NDUFA9: variants seen among roughly 807,000 people sequenced by gnomAD.
NDUFA9 encodes the protein NADH:ubiquinone oxidoreductase subunit A9.
Under a neutral mutation model 45.9 loss-of-function variants are expected in NDUFA9, and 23 were observed. The ratio of observed to expected loss-of-function variants is 0.50; its 90% CI spans 0.36 to 0.71. The LOEUF (loss-of-function observed/expected upper bound fraction) is 0.71, where lower values mean the gene tolerates loss of function less well. Among genes scored for constraint, NDUFA9 ranks in the 30% least tolerant of loss-of-function variants. The pLI, the probability that NDUFA9 is intolerant of heterozygous loss-of-function variation, is 0.00. For missense variants in NDUFA9, 466 were observed against 488.2 expected (o/e 0.95, Z 0.43); for synonymous variants, 176 against 170.5 (o/e 1.03, Z -0.25).
rs1046574127 is a variant in NDUFA9 at position 4,660,873 on chromosome 12, C to T, written c.553-1660C>T. Among the ~76,000 whole-genome samples the T allele has an allele frequency of 2.0e-5, 3 of 151,774 alleles. 1 individual carries two copies. Among genetic ancestry groups the T allele is most frequent in the Non-Finnish European group, 2.9e-5 (2 of 67,960 alleles). On this transcript the variant is annotated intron_variant, in intron 5 of 10. Transcript: ENST00000266544. ...TGGAGCAGAATCCAGAATGCGGGTG[C>T]GTGAAGAGTGAGTTGGAACTGAGGA...
At chr12:4,669,518 A>G (rs1259915983) in intron 7 of NDUFA9, among the ~76,000 whole-genome samples, 1 of 152,222 alleles carries the variant, frequency 6.6e-6, no homozygotes, top group Non-Finnish European at 1.5e-5. Flanking sequence ...AGCGGTGATT[A>G]TTTGAGCTCT....
intron 6 of NDUFA9, among the ~76,000 whole-genome samples, chr12:4,668,049 C>T (rs1443057299): frequency 1.3e-5 from 2 of 152,024 alleles, no homozygotes; most frequent in East Asian, 1.9e-4. Context: ...TCTGTTGATA[C>T]AGCAGCAGAA....
chr12:4,676,488 C>T (rs1264887377), intron 8 of NDUFA9, among the ~76,000 whole-genome samples: 1 of 152,184 alleles, frequency 6.6e-6, no homozygotes, highest in Non-Finnish European at 1.5e-5. Flanking sequence ...CATTCCCATA[C>T]ACCAATAACA....
Position 4,686,988 on chromosome 12 carries a change from T to C in NDUFA9, c.1014T>C (p.Leu338=). The C allele has an allele frequency of 6.2e-7, 1 of 1,614,182 alleles. No individual in the cohort carries two copies. Among genetic ancestry groups the C allele is most frequent in the South Asian group, 1.1e-5 (1 of 91,074 alleles). The part of the protein sequence containing the change: ...KLPHLPGLED[L]GIQATPLELK... ...CTCACCTGCCTGGCTTAGAAGACCT[T>C]GGTATTCAGGCAACACCACTGGAAC... is the stretch of plus-strand genomic sequence containing the variant. The change falls in exon 11 of 11, where the codon CTT becomes CTC. Residue 338 remains leucine (L), a synonymous_variant. Transcript: ENST00000266544.
Position 4,649,179 on chromosome 12 carries a change from A to C in NDUFA9, c.49+4A>C. 1 of 1,603,444 alleles carries C rather than the reference A, an allele frequency of 6.2e-7. No individual in the cohort carries two copies. Among genetic ancestry groups the C allele is most frequent in the Non-Finnish European group, 8.5e-7 (1 of 1,175,054 alleles). On this transcript the variant is annotated splice_donor_region_variant and intron_variant, in intron 1 of 10. Coordinates refer to ENST00000266544, the MANE Select transcript of NDUFA9 (RefSeq NM_005002.5). ...GTCCGGGTCCTGTCAATGTCACGTA[A>C]GTGTTACCGGGAACGGCGGCCCCTG...
intron 8 of NDUFA9, among the ~76,000 whole-genome samples, chr12:4,678,062 A>G (rs776470371): frequency 6.6e-4 from 101 of 152,262 alleles, no homozygotes; most frequent in Non-Finnish European, 9.6e-4. Flanking sequence ...CAAACACCAT[A>G]TGTTCTCACT....
chr12:4,671,642 C>T (rs1945887793), intron 8 of NDUFA9, among the ~76,000 whole-genome samples: 1 of 152,034 alleles, frequency 6.6e-6, no homozygotes, highest in South Asian at 2.1e-4. Context: ...ATAGACAAAA[C>T]CATTAAGTTT....
intron 5 of NDUFA9, among the ~76,000 whole-genome samples, chr12:4,660,390 G>A (rs970792794): frequency 6.6e-6 from 1 of 152,176 alleles, no homozygotes; most frequent in Admixed American, 6.5e-5. Flanking sequence ...CACGTTTCAG[G>A]TGCATTTCAG....
chr12:4,662,683 A>G (rs2137468672), intron 6 of NDUFA9, 48 bp downstream of exon 6: 1 of 1,428,754 alleles, frequency 7.0e-7, no homozygotes, highest in Non-Finnish European at 9.9e-7. Context: ...TGATTAACCA[A>G]GTTGAAGCTG....
Position 4,688,992 on chromosome 12 carries a change from A to G in NDUFA9, c.*1884A>G, listed in dbSNP as rs1230745390. ...GATTCTTAAAAAAAAACTTATTGAT[A>G]CATAATAGATGTAAATATTGTCAGG... is the stretch of plus-strand genomic sequence containing the variant. On this transcript the variant is annotated 3_prime_UTR_variant, in exon 11 of 11. Coordinates refer to ENST00000266544, the MANE Select transcript of NDUFA9 (RefSeq NM_005002.5). 1 of 152,244 alleles carries G rather than the reference A, an allele frequency of 6.6e-6. No individual in the cohort carries two copies. 9.4% of individuals were successfully genotyped at this position (152,244 alleles called of 1,614,324 possible). A position where few individuals can be genotyped will look rare whatever the true frequency, so the allele number is the denominator to read the frequency against.
rs10735038 is a variant in NDUFA9 at position 4,692,947 on chromosome 12, A to G, written c.*5839A>G. 140,817 of 152,258 alleles carry G rather than the reference A, an allele frequency of 0.92. 65,246 individuals are homozygous for G. Among genetic ancestry groups the G allele is most frequent in the Middle Eastern group, 0.98 (289 of 294 alleles). 9.4% of individuals were successfully genotyped at this position (152,258 alleles called of 1,614,324 possible). A position where few individuals can be genotyped will look rare whatever the true frequency, so the allele number is the denominator to read the frequency against. ...ACATCTGCTTGGCATGAGCCACCAC[A>G]CCCGGCCAGAATTTTATTTTTAGTG... On this transcript the variant is annotated 3_prime_UTR_variant, in exon 11 of 11. Transcript: ENST00000266544.
intron 8 of NDUFA9, among the ~76,000 whole-genome samples, chr12:4,676,399 C>G (rs963712752): frequency 3.9e-5 from 6 of 152,204 alleles, no homozygotes; most frequent in Admixed American, 3.3e-4. Context: ...ACTCCATTGT[C>G]TCAGCCCCAA....
chr12:4,662,513 T>C lies in NDUFA9; in HGVS notation c.553-20T>C, dbSNP rs766755488. ...CACTTGTCTCTAAACTCAAAACAGG[T>C]TTGTTTGGTTATTGTTTAGGCTGTT... On this transcript the variant is annotated intron_variant, in intron 5 of 10. Coordinates refer to ENST00000266544, the MANE Select transcript of NDUFA9 (RefSeq NM_005002.5). The C allele has an allele frequency of 6.3e-7, 1 of 1,588,446 alleles. No individual in the cohort carries two copies. Among genetic ancestry groups the C allele is most frequent in the East Asian group, 2.2e-5 (1 of 44,686 alleles).
chr12:4,691,751 G>C lies in NDUFA9; in HGVS notation c.*4643G>C, dbSNP rs1946019651. The C allele has an allele frequency of 6.6e-6, 1 of 151,938 alleles. No individual in the cohort carries two copies. The highest frequency in any genetic ancestry group is 2.1e-4 in the South Asian group (1 of 4,762). 9.4% of individuals were successfully genotyped at this position (151,938 alleles called of 1,614,324 possible). A position where few individuals can be genotyped will look rare whatever the true frequency, so the allele number is the denominator to read the frequency against. ...GCAGAGGGTGGTGGGGTTTTTGAGG[G>C]CTGTGTGAGAGTGTAGAAGTACTGA... On this transcript the variant is annotated 3_prime_UTR_variant, in exon 11 of 11. Transcript: ENST00000266544.
intron 8 of NDUFA9, among the ~76,000 whole-genome samples, chr12:4,673,765 A>G (rs1334055012): frequency 1.3e-5 from 2 of 152,076 alleles, no homozygotes; most frequent in African/African-American, 4.8e-5. Context: ...CTCCAGGAGA[A>G]CTTCCCCAAC....
chr12:4,657,900 C>T (rs903396614), intron 4 of NDUFA9, 61 bp downstream of exon 4: 31 of 1,279,244 alleles, frequency 2.4e-5, no homozygotes, highest in South Asian at 1.8e-4. Flanking sequence ...AATGGACCTT[C>T]GCTGGGCACC....
At chr12:4,685,624 A>G (rs1383219682) in intron 10 of NDUFA9, among the ~76,000 whole-genome samples, 3 of 151,932 alleles carry the variant, frequency 2.0e-5, no homozygotes, top group Non-Finnish European at 2.9e-5. Context: ...TCTTCCAGCT[A>G]CTTTCCTGTT....
intron 8 of NDUFA9, among the ~76,000 whole-genome samples, chr12:4,672,106 G>A (rs1431726810): frequency 6.6e-6 from 1 of 152,192 alleles, no homozygotes; most frequent in Non-Finnish European, 1.5e-5. Flanking sequence ...CCAAAACAGG[G>A]TGGGGTGTCG....
Position 4,688,146 on chromosome 12 carries a change from A to G in NDUFA9, c.*1038A>G, listed in dbSNP as rs1235558962. 1.3e-5 allele frequency: 2 copies of G among 152,258 alleles called. No individual in the cohort carries two copies. The highest frequency in any genetic ancestry group is 2.9e-5 in the Non-Finnish European group (2 of 68,084). 9.4% of individuals were successfully genotyped at this position (152,258 alleles called of 1,614,324 possible). On this transcript the variant is annotated 3_prime_UTR_variant, in exon 11 of 11. Transcript: ENST00000266544. Reference sequence around the variant, plus strand: ...CAGTGAGCTACTCCAAGTGTGGTCCATAGATCACCAGCATTGGGATCATCT... The same window carrying G: ...CAGTGAGCTACTCCAAGTGTGGTCCGTAGATCACCAGCATTGGGATCATCT...
Sources: gnomAD v4.1 joint callset for allele counts (sites outside exome capture counted in the v4.1 genomes callset) on GRCh38, gnomAD v4.1.1 for gene constraint, MANE v1.5 for transcripts, NCBI Gene and HGNC (gene_info 2026-07-23, HGNC 2026-07-21) for gene names.